Variants in AKAP12 observed in about 807,000 individuals in gnomAD.
AKAP12 encodes the protein A-kinase anchoring protein 12.
In AKAP12, 32 loss-of-function variants were observed where a neutral mutation model predicts 79.9. That is an observed-to-expected ratio of 0.40 (90% CI 0.30 to 0.54). The LOEUF is 0.54. Ranked by LOEUF, AKAP12 falls within the 20% of genes least tolerant of loss-of-function variation. The pLI is 0.48. For missense variants in AKAP12, 2,074 were observed against 2,177.0 expected (o/e 0.95, Z 0.94); for synonymous variants, 808 against 857.0 (o/e 0.94, Z 1.00).
chr6:151,345,924 TGTGTGTGTGAGAGAGAGA>T (rs1042177998), intron 3 of AKAP12, among the ~76,000 whole-genome samples: 7 of 103,928 alleles, frequency 6.7e-5, no homozygotes, highest in South Asian at 2.9e-4. Flanking sequence ...TGTGTGTGTG[TGTGTGTGTGAGAGAGAGA>T]GAGAGAGAGA....
rs1439694506 is a variant in AKAP12 at position 151,240,701 on chromosome 6, G to A, written c.139G>A (p.Ala47Thr). The A allele has an allele frequency of 4.9e-5, 62 of 1,274,736 alleles. No homozygotes were observed. The highest frequency in any genetic ancestry group is 5.7e-5 in the Non-Finnish European group (58 of 1,012,700). The allele number at this position is 1,274,736 out of a possible 1,614,324, so 79.0% of individuals were successfully genotyped here. A position where few individuals can be genotyped will look rare whatever the true frequency, so the allele number is the denominator to read the frequency against. Residue 47 changes from alanine (A) to threonine (T), a missense_variant, in exon 2 of 5, where the codon GCT becomes ACT. Transcript: ENST00000402676. ...AGACACCACCGCGGACCCCGCCATC[G>A]CTGCCTCGGACCCCGCCACCAAGGT... is the stretch of plus-strand genomic sequence containing the variant. ...APDTTADPAI[A>T]ASDPATKLLQ...
intron 3 of AKAP12, among the ~76,000 whole-genome samples, chr6:151,313,445 G>T (rs377118816): frequency 4.1e-4 from 62 of 152,294 alleles, no homozygotes; most frequent in African/African-American, 1.5e-3. Flanking sequence ...TATGCTATGC[G>T]ATTTCTGGGA....
intron 2 of AKAP12, among the ~76,000 whole-genome samples, chr6:151,284,759 T>C (rs1776467711): frequency 1.3e-5 from 2 of 152,220 alleles, no homozygotes; most frequent in African/African-American, 4.8e-5. Context: ...CTTTCTCTTA[T>C]CAACAGAACT....
intron 2 of AKAP12, among the ~76,000 whole-genome samples, chr6:151,258,058 C>G (rs531237801): frequency 1.3e-5 from 2 of 152,226 alleles, no homozygotes; most frequent in Non-Finnish European, 2.9e-5. Context: ...GGGCAAGCCA[C>G]TTATGCCTAC....
Position 151,353,376 on chromosome 6 carries a change from C to T in AKAP12, c.4985C>T (p.Pro1662Leu). 1 of 1,614,166 alleles carries T rather than the reference C, an allele frequency of 6.2e-7. No homozygotes were observed. The highest frequency in any genetic ancestry group is 8.5e-7 in the Non-Finnish European group (1 of 1,180,036). The change falls in exon 4 of 5, where the codon CCA (proline) becomes CTA (leucine). Residue 1662 changes from proline to leucine, a missense_variant. Physicochemically the swap from Pro to Leu is moderately conservative, Grantham distance 98. This residue lies in a region of AKAP12 where 614 missense variants were observed against 665.6 expected (regional missense o/e 0.92). Coordinates refer to ENST00000402676, the MANE Select transcript of AKAP12 (RefSeq NM_005100.4). ...CAGCAGCTGGAAGAGGTCGTCCTCC[C>T]ATCTGAGGAAGAGGGAGGTGGAGCT... The part of the protein sequence containing the change: ...NDQQLEEVVL[P>L]SEEEGGGAGT...
At position 151,240,677 on chromosome 6, in the gene AKAP12, G is replaced by C; in HGVS notation, c.115G>C (p.Asp39His). 2.3e-6 allele frequency: 3 copies of C among 1,278,108 alleles called. No homozygotes were observed. Among genetic ancestry groups the C allele is most frequent in the Admixed American group, 4.3e-5 (1 of 23,186 alleles). 79.2% of individuals were successfully genotyped at this position (1,278,108 alleles called of 1,614,324 possible). A position where few individuals can be genotyped will look rare whatever the true frequency, so the allele number is the denominator to read the frequency against. Residue 39 changes from aspartate (D) to histidine (H), a missense_variant, in exon 2 of 5, where the codon GAC becomes CAC. By Grantham distance (81) the Asp-to-His change is moderately conservative (BLOSUM62 -1). This residue lies in a region of AKAP12 where 1,428 missense variants were observed against 1,451.0 expected (regional missense o/e 0.98). Transcript: ENST00000402676. Reference protein sequence around the residue: ...GGGPSAEAAPDTTADPAIAAS... With the variant: ...GGGPSAEAAPHTTADPAIAAS... ...CGGCCCCTCGGCCGAGGCGGCGCCA[G>C]ACACCACCGCGGACCCCGCCATCGC...
chr6:151,341,658 C>T (rs1301755591), intron 3 of AKAP12: 4 of 1,133,790 alleles, frequency 3.5e-6, no homozygotes, highest in Non-Finnish European at 4.4e-6. Context: ...GGGCTGCGCG[C>T]GCCATGCCCT....
At chr6:151,278,882 T>C (rs1247166878) in intron 2 of AKAP12, among the ~76,000 whole-genome samples, 2 of 151,746 alleles carry the variant, frequency 1.3e-5, no homozygotes, top group East Asian at 3.9e-4. Context: ...TTAGCCAGGA[T>C]GGTCTCGATC....
At position 151,353,031 on chromosome 6, in the gene AKAP12, G is replaced by A. The variant is rs1294379854; in HGVS notation, c.4640G>A (p.Ser1547Asn). 1.9e-6 allele frequency: 3 copies of A among 1,614,250 alleles called. No individual in the cohort carries two copies. The highest frequency in any genetic ancestry group is 3.3e-5 in the Admixed American group (2 of 60,030). The part of the protein sequence containing the change: ...NGILELETKS[S>N]KLVQNIIQTA... ...ATTTTGGAACTTGAGACCAAAAGCA[G>A]TAAACTTGTCCAAAACATCATCCAG... is the stretch of plus-strand genomic sequence containing the variant. The change falls in exon 4 of 5, where the codon AGT (serine) becomes AAT (asparagine). Residue 1547 changes from serine (S) to asparagine (N), a missense_variant. Around this residue, in one of 3 missense-constraint regions of AKAP12, gnomAD observed 614 missense variants for 665.6 expected, o/e 0.92. Coordinates refer to ENST00000402676, the MANE Select transcript of AKAP12 (RefSeq NM_005100.4).
At chr6:151,305,214 C>T (rs1776953750) in intron 2 of AKAP12, among the ~76,000 whole-genome samples, 1 of 149,568 alleles carries the variant, frequency 6.7e-6, no homozygotes, top group Non-Finnish European at 1.5e-5. Context: ...TTCTCAAGGG[C>T]TCTGTTTATT....
intron 2 of AKAP12, among the ~76,000 whole-genome samples, chr6:151,267,878 G>A (rs756092949): frequency 6.6e-6 from 1 of 152,214 alleles, no homozygotes; most frequent in Non-Finnish European, 1.5e-5. Context: ...TTCCATTGCC[G>A]GGAGACAGAC....
chr6:151,290,847 T>C (rs183483393), intron 2 of AKAP12, among the ~76,000 whole-genome samples: 12 of 152,302 alleles, frequency 7.9e-5, no homozygotes. Context: ...TGACCTCAGA[T>C]GATCCGCCCG....
intron 2 of AKAP12, among the ~76,000 whole-genome samples, chr6:151,288,890 G>A (rs991190788): frequency 2.0e-5 from 3 of 152,182 alleles, no homozygotes; most frequent in South Asian, 2.1e-4. Context: ...CGCTAGATGC[G>A]CCCTGTAGCG....
chr6:151,286,344 T>C (rs1776503945), intron 2 of AKAP12, among the ~76,000 whole-genome samples: 1 of 152,218 alleles, frequency 6.6e-6, no homozygotes, highest in African/African-American at 2.4e-5. Context: ...ACCTGTCTGC[T>C]CCATTTCTGT....
intron 2 of AKAP12, among the ~76,000 whole-genome samples, chr6:151,282,103 A>G (rs1473517845): frequency 2.0e-5 from 3 of 151,006 alleles, no homozygotes; most frequent in African/African-American, 7.3e-5. Context: ...ATTTTTTCTG[A>G]GATGGAGTCT....
chr6:151,280,241 T>C lies in AKAP12; in HGVS notation c.163-25506T>C, dbSNP rs1294859057. On this transcript the variant is annotated intron_variant, in intron 2 of 4. Transcript: ENST00000402676. ...GACATTTAAGTTGATTCTGATGATC[T>C]CCTATTACAAGTAATGCTGAAATGA... Among the ~76,000 whole-genome samples, 4 of 152,174 alleles carry C rather than the reference T, an allele frequency of 2.6e-5. No homozygotes were observed. The East Asian group carries it at 7.7e-4, about 29-fold the overall frequency.
intron 3 of AKAP12, among the ~76,000 whole-genome samples, chr6:151,342,516 T>C (rs1777978851): frequency 6.6e-6 from 1 of 152,104 alleles, no homozygotes; most frequent in African/African-American, 2.4e-5. Context: ...AGTGAGTAGA[T>C]TGCCCCAGCA....
At chr6:151,278,573 G>GT (rs1366352645) in intron 2 of AKAP12, among the ~76,000 whole-genome samples, 1 of 152,056 alleles carries the variant, frequency 6.6e-6, no homozygotes, top group Non-Finnish European at 1.5e-5. Flanking sequence ...TTGGAGGTCA[G>GT]TTTCTGGGAA....
chr6:151,294,773 T>C (rs940627503), intron 2 of AKAP12, among the ~76,000 whole-genome samples: 1 of 152,230 alleles, frequency 6.6e-6, no homozygotes, highest in Non-Finnish European at 1.5e-5. Context: ...TTTAATACTT[T>C]TAAAAACAAC....
Sources: allele counts gnomAD v4.1 joint callset (sites outside exome capture counted in the v4.1 genomes callset), GRCh38; gene constraint gnomAD v4.1.1; regional missense constraint gnomAD v4.1.1; transcripts MANE v1.5; gene names NCBI Gene and HGNC (gene_info 2026-07-23, HGNC 2026-07-21).